UBR7: variants seen among roughly 807,000 people sequenced by gnomAD.
UBR7 encodes the protein ubiquitin protein ligase E3 component n-recognin 7.
A neutral mutation model predicts 57.0 loss-of-function variants in UBR7; 22 were observed. The ratio of observed to expected loss-of-function variants is 0.39; its 90% CI spans 0.28 to 0.55. The LOEUF (loss-of-function observed/expected upper bound fraction) is 0.55, where lower values mean the gene tolerates loss of function less well. UBR7 is among the 20% of genes least tolerant of loss of function. UBR7 has a pLI of 0.69. For missense variants in UBR7, 395 were observed against 513.2 expected, an observed-to-expected ratio of 0.77 and a Z score of 2.23; for synonymous variants, 167 against 179.8, an observed-to-expected ratio of 0.93 and a Z score of 0.57.
chr14:93,212,203 C>A, intron 4 of UBR7, 76 bp downstream of exon 4: 1 of 1,119,232 alleles, frequency 8.9e-7, no homozygotes, highest in Non-Finnish European at 1.3e-6. Flanking sequence ...CATATCCGAG[C>A]CTCTGGCTCT....
At position 93,220,273 on chromosome 14, in the gene UBR7, T is replaced by C; in HGVS notation, c.985T>C (p.Leu329=). 1.2e-6 allele frequency: 2 copies of C among 1,612,336 alleles called. No homozygotes were observed. The highest frequency in any genetic ancestry group is 1.7e-6 in the Non-Finnish European group (2 of 1,179,638). ...GAAAATGTATGGAGATCTAGATGTCTTATTCCTGACAGATGAATACGACAC... is the reference window on the plus strand; with the variant it reads ...GAAAATGTATGGAGATCTAGATGTCCTATTCCTGACAGATGAATACGACAC... ...CMKMYGDLDV[L]FLTDEYDTVL... The change falls in exon 9 of 11, where the codon TTA becomes CTA. Residue 329 remains leucine (L), a synonymous_variant. Transcript: ENST00000013070.
Position 93,214,997 on chromosome 14 carries a change from C to T in UBR7, c.495+15C>T. 6.2e-7 allele frequency: 1 copy of T among 1,609,688 alleles called. No individual in the cohort carries two copies. The highest frequency in any genetic ancestry group is 2.2e-5 in the East Asian group (1 of 44,838). On this transcript the variant is annotated intron_variant, in intron 5 of 10. Coordinates refer to ENST00000013070, the MANE Select transcript of UBR7 (RefSeq NM_175748.4). ...TCCATGGAAGGGTAAGGAAAATGTT[C>T]CACCTTTTGAAACCATTGTTGTCAC...
In UBR7 at chr14:93,219,504, T is replaced by A. The variant is rs770526275; in HGVS notation, c.960+143T>A. 1.5e-4 allele frequency: 175 copies of A among 1,180,856 alleles called. 2 individuals are homozygous for A. The highest frequency in any genetic ancestry group is 2.0e-4 in the Non-Finnish European group (171 of 840,854). 73.1% of individuals were successfully genotyped at this position (1,180,856 alleles called of 1,614,324 possible). ...ACACCTGAACAATATATTTATGAAATTAATGTTTAGGAGACCCTCCAAATT... is the reference window on the plus strand; with the variant it reads ...ACACCTGAACAATATATTTATGAAAATAATGTTTAGGAGACCCTCCAAATT... On this transcript the variant is annotated intron_variant, in intron 8 of 10. Transcript: ENST00000013070.
At chr14:93,226,792 C>CAAA (rs55907535) in intron 10 of UBR7, 151 bp from the exon 11 acceptor site, 34 of 347,702 alleles carry the variant, frequency 9.8e-5, no homozygotes, top group African/African-American at 1.6e-4. Context: ...CACTCCATCT[C>CAAA]AAAAAAAAAA....
Position 93,212,142 on chromosome 14 carries a change from A to T in UBR7, c.441+15A>T. 6.3e-7 allele frequency: 1 copy of T among 1,592,124 alleles called. No individual in the cohort carries two copies. Among genetic ancestry groups the T allele is most frequent in the Non-Finnish European group, 8.6e-7 (1 of 1,163,004 alleles). ...CTGAAGACGAGGTAAGAGAATTGGA[A>T]GTTAAACCTGGGGGTGTGTCCCCTC... On this transcript the variant is annotated intron_variant, in intron 4 of 10. Transcript: ENST00000013070.
At chr14:93,225,454 C>A (rs1169792772) in intron 10 of UBR7, among the ~76,000 whole-genome samples, 1 of 135,796 alleles carries the variant, frequency 7.4e-6, no homozygotes, top group African/African-American at 2.9e-5. Flanking sequence ...TGATGAGACC[C>A]CGCCTCTACA....
intron 4 of UBR7, among the ~76,000 whole-genome samples, chr14:93,212,805 T>G (rs1894511744): frequency 6.6e-6 from 1 of 152,222 alleles, no homozygotes; most frequent in African/African-American, 2.4e-5. Flanking sequence ...TCATATGCCA[T>G]AAGTTAGTCA....
intron 8 of UBR7, 36 bp from the exon 9 acceptor site, chr14:93,220,213 C>T (rs760877643): frequency 6.4e-7 from 1 of 1,572,966 alleles, no homozygotes; most frequent in Non-Finnish European, 8.6e-7. Flanking sequence ...AATGGGGAAA[C>T]TCCTCTTTCT....
intron 1 of UBR7, among the ~76,000 whole-genome samples, chr14:93,208,971 T>G (rs1894426677): frequency 6.6e-6 from 1 of 152,134 alleles, no homozygotes; most frequent in African/African-American, 2.4e-5. Context: ...CTAATTTTTG[T>G]ATTTTTAGTG....
At chr14:93,223,563 T>G in intron 10 of UBR7, 2 of 762,626 alleles carry the variant, frequency 2.6e-6, no homozygotes, top group Non-Finnish European at 4.4e-6. Context: ...CGTTCCTGAG[T>G]TTATTTGGGG....
Position 93,214,964 on chromosome 14 carries a change from A to AGACTG in UBR7, c.479_483dup (p.Phe162ThrfsTer27). 3.1e-6 allele frequency: 5 copies of AGACTG among 1,613,904 alleles called. No individual in the cohort carries two copies. Among genetic ancestry groups the AGACTG allele is most frequent in the Non-Finnish European group, 4.2e-6 (5 of 1,179,878 alleles). ...AGATGATCCAGTGCGTAGTCTGTGA[A>AGACTG]GACTGGTTCCATGGAAGGGTAAGGA... On this transcript the variant is annotated frameshift_variant, in exon 5 of 11. Transcript: ENST00000013070. LOFTEE classifies it high-confidence loss of function.
chr14:93,208,281 G>T (rs1175083722), intron 1 of UBR7, among the ~76,000 whole-genome samples: 1 of 152,090 alleles, frequency 6.6e-6, no homozygotes, highest in African/African-American at 2.4e-5. Flanking sequence ...CTGGGGAGAT[G>T]AGGGGAGAGA....
chr14:93,225,698 T>G (rs979918231), intron 10 of UBR7, among the ~76,000 whole-genome samples: 3 of 152,180 alleles, frequency 2.0e-5, no homozygotes, highest in Non-Finnish European at 4.4e-5. Context: ...AAAAAACTGA[T>G]TTGTTATTGA....
chr14:93,210,864 A>G (rs1392322908), intron 3 of UBR7, among the ~76,000 whole-genome samples, 156 bp downstream of exon 3: 3 of 152,190 alleles, frequency 2.0e-5, no homozygotes, highest in African/African-American at 7.2e-5. Context: ...TGTTAGAAAA[A>G]CTATATAAAC....
chr14:93,228,334 G>A lies in UBR7; in HGVS notation c.*1299G>A, dbSNP rs74709229. On this transcript the variant is annotated 3_prime_UTR_variant, in exon 11 of 11. Transcript: ENST00000013070. Reference sequence around the variant, plus strand: ...CATAGAGAACCCTCAGCTTCTCTCTGCCTCTGGAGGACCAAGGTCTTTCCT... The same window carrying A: ...CATAGAGAACCCTCAGCTTCTCTCTACCTCTGGAGGACCAAGGTCTTTCCT... The A allele has an allele frequency of 0.091, 41,342 of 454,978 alleles. 2,046 individuals carry two copies. The highest frequency in any genetic ancestry group is 0.13 in the Middle Eastern group (194 of 1,446). 28.2% of individuals were successfully genotyped at this position (454,978 alleles called of 1,614,324 possible). A position where few individuals can be genotyped will look rare whatever the true frequency, so the allele number is the denominator to read the frequency against.
intron 10 of UBR7, among the ~76,000 whole-genome samples, chr14:93,226,337 G>A (rs1894847755): frequency 6.6e-6 from 1 of 151,914 alleles, no homozygotes; most frequent in African/African-American, 2.4e-5. Flanking sequence ...TTAACAATAA[G>A]CATGTGTTAC....
Position 93,228,189 on chromosome 14 carries a change from C to G in UBR7, c.*1154C>G, listed in dbSNP as rs1894904737. ...GCCACTTCCCTAACGACTATGAGATCTTTTTTTTGAAGATCCTCATGGAAG... is the reference window on the plus strand; with the variant it reads ...GCCACTTCCCTAACGACTATGAGATGTTTTTTTTGAAGATCCTCATGGAAG... On this transcript the variant is annotated 3_prime_UTR_variant, in exon 11 of 11. Coordinates refer to ENST00000013070, the MANE Select transcript of UBR7 (RefSeq NM_175748.4). 3.8e-6 allele frequency: 2 copies of G among 533,076 alleles called. No homozygotes were observed. Among genetic ancestry groups the G allele is most frequent in the African/African-American group, 1.9e-5 (1 of 53,278 alleles). 33.0% of individuals were successfully genotyped at this position (533,076 alleles called of 1,614,324 possible).
At position 93,207,280 on chromosome 14, in the gene UBR7, T is replaced by C. The variant is rs758800021; in HGVS notation, c.-12T>C. 10 of 1,552,562 alleles carry C rather than the reference T, an allele frequency of 6.4e-6. No individual in the cohort carries two copies. In the Admixed American group the frequency reaches 1.4e-4, roughly 21 times the overall value. Reference sequence around the variant, plus strand: ...CGCCGGGGCCGAGCCGCTGTTCGGCTGACAGTTGAGGATGGCCGGAGCCGA... The same window carrying C: ...CGCCGGGGCCGAGCCGCTGTTCGGCCGACAGTTGAGGATGGCCGGAGCCGA... On this transcript the variant is annotated 5_prime_UTR_variant, in exon 1 of 11. Transcript: ENST00000013070.
At position 93,226,987 on chromosome 14, in the gene UBR7, G is replaced by T. The variant is rs745882286; in HGVS notation, c.1230G>T (p.Gln410His). ...EDIQQFFEEFQSKKRRRVDGM... is the reference protein window; with the variant it reads ...EDIQQFFEEFHSKKRRRVDGM... ...TTCAGCAGTTCTTTGAAGAGTTTCA[G>T]TCAAAAAAGAGAAGAAGAGTGGATG... Residue 410 changes from glutamine to histidine, a missense_variant, in exon 11 of 11, where the codon CAG (glutamine) becomes CAT (histidine). Gln to His is a conservative substitution (Grantham distance 24). Transcript: ENST00000013070. 4 of 1,613,074 alleles carry T rather than the reference G, an allele frequency of 2.5e-6. No individual in the cohort carries two copies. Among genetic ancestry groups the T allele is most frequent in the Non-Finnish European group, 2.5e-6 (3 of 1,179,430 alleles).
Sources: allele counts gnomAD v4.1 joint callset (sites outside exome capture counted in the v4.1 genomes callset), GRCh38; gene constraint gnomAD v4.1.1; transcripts MANE v1.5; gene names NCBI Gene and HGNC (gene_info 2026-07-23, HGNC 2026-07-21).